Variants in PCDHGA2 observed in about 807,000 individuals in gnomAD.
PCDHGA2 encodes protocadherin gamma-A2.
PCDHGA2 carries 40 observed loss-of-function variants against 59.2 expected under a neutral mutation model. That is an observed-to-expected ratio of 0.68 (90% CI 0.52 to 0.88). The LOEUF (loss-of-function observed/expected upper bound fraction) is 0.88, where lower values mean the gene tolerates loss of function less well. Among genes scored for constraint, PCDHGA2 ranks in the 40% least tolerant of loss-of-function variants. The pLI is 0.00. For missense variants in PCDHGA2, 1,226 were observed against 1,204.0 expected (o/e 1.02, Z -0.27); for synonymous variants, 560 against 526.0 (o/e 1.06, Z -0.89).
intron 1 of PCDHGA2, chr5:141,356,177 G>A: frequency 6.2e-7 from 1 of 1,612,412 alleles, no homozygotes; most frequent in Non-Finnish European, 8.5e-7. Flanking sequence ...GATGGGCCTG[G>A]TCTCCGAGCT....
rs1562150111 is a variant in PCDHGA2, at chr5:141,491,805, T to G, written c.2425-3002T>G. 1 of 1,495,892 alleles carries G rather than the reference T, an allele frequency of 6.7e-7. No homozygotes were observed. 92.7% of individuals were successfully genotyped at this position (1,495,892 alleles called of 1,614,324 possible). A position where few individuals can be genotyped will look rare whatever the true frequency, so the allele number is the denominator to read the frequency against. On this transcript the variant is annotated intron_variant, in intron 1 of 3. Coordinates refer to ENST00000394576, the MANE Select transcript of PCDHGA2 (RefSeq NM_018915.4). This position sits in a 1 kb window ranked among gnomAD's most constrained non-coding sequence, Gnocchi z 6.9. ...TGCATCCACTCCTCTCCGGCCGGCT[T>G]GGTCGCTGGCTGCGCTCCACCCGAT... is the stretch of plus-strand genomic sequence containing the variant.
rs1383420491 is a variant in PCDHGA2 at position 141,384,736 on chromosome 5, G to A, written c.2424+43341G>A. On this transcript the variant is annotated intron_variant, in intron 1 of 3. Transcript: ENST00000394576. ...GTCATACCTCCTGCTTAAGGCCAGC[G>A]AGCCAGGACTCTTTGCGGTTGGGCT... 3.7e-6 allele frequency: 6 copies of A among 1,613,938 alleles called. No homozygotes were observed. Among genetic ancestry groups the A allele is most frequent in the African/African-American group, 2.7e-5 (2 of 74,932 alleles).
rs763381960 is a variant in PCDHGA2, at chr5:141,341,099, G to A, written c.2128G>A (p.Val710Met). Residue 710 changes from valine to methionine, a missense_variant, in exon 1 of 4, where the codon GTG (valine) becomes ATG (methionine). Transcript: ENST00000394576. Reference protein sequence around the residue: ...VSCVFLAFVIVLLAHRLRRWH... With the variant: ...VSCVFLAFVIMLLAHRLRRWH... ...CTGCGTCTTCCTGGCCTTCGTCATC[G>A]TGTTGCTGGCGCACAGGCTGCGGCG... 6.2e-7 allele frequency: 1 copy of A among 1,614,104 alleles called. No homozygotes were observed. Among genetic ancestry groups the A allele is most frequent in the Non-Finnish European group, 8.5e-7 (1 of 1,180,056 alleles).
chr5:141,415,736 T>G, intron 1 of PCDHGA2: 1 of 1,289,978 alleles, frequency 7.8e-7, no homozygotes, highest in South Asian at 1.8e-5. Context: ...TGATGTTTAT[T>G]AAGGTTTTTT....
chr5:141,354,058 A>C (rs901955724), intron 1 of PCDHGA2, among the ~76,000 whole-genome samples: 3 of 152,234 alleles, frequency 2.0e-5, no homozygotes, highest in African/African-American at 7.2e-5. Context: ...ATGATAATCC[A>C]TGTTCGGCTA....
At position 141,422,501 on chromosome 5, in the gene PCDHGA2, C is replaced by T. The variant is rs1343881573; in HGVS notation, c.2425-72306C>T. On this transcript the variant is annotated intron_variant, in intron 1 of 3. Coordinates refer to ENST00000394576, the MANE Select transcript of PCDHGA2 (RefSeq NM_018915.4). ...CAGAGCTACAATATAACGTTGACAGCCACAGACCAGGGAAGCCCGCCTTTG... is the reference window on the plus strand; with the variant it reads ...CAGAGCTACAATATAACGTTGACAGTCACAGACCAGGGAAGCCCGCCTTTG... 9.3e-6 allele frequency: 15 copies of T among 1,613,810 alleles called. No individual in the cohort carries two copies. The highest frequency in any genetic ancestry group is 1.3e-5 in the Non-Finnish European group (15 of 1,179,872).
chr5:141,474,011 A>T (rs910186122), intron 1 of PCDHGA2, among the ~76,000 whole-genome samples: 2 of 152,112 alleles, frequency 1.3e-5, no homozygotes, highest in Non-Finnish European at 2.9e-5. Flanking sequence ...TGGAAGTTAC[A>T]GTGAGCTATG....
At chr5:141,370,322 C>T (rs1311185888) in intron 1 of PCDHGA2, 8 of 1,366,842 alleles carry the variant, frequency 5.9e-6, no homozygotes, top group Non-Finnish European at 7.0e-6. Context: ...GTTGGTCCTG[C>T]TCGGAGAACT....
chr5:141,447,558 G>T (rs551305232), intron 1 of PCDHGA2, among the ~76,000 whole-genome samples: 1 of 152,264 alleles, frequency 6.6e-6, no homozygotes, highest in African/African-American at 2.4e-5. Context: ...GAGTACACTT[G>T]GAGGATTCTA....
In PCDHGA2 at chr5:141,395,547, TGTGTGTGTGTGTGTG is replaced by T. The variant is rs2093269943; in HGVS notation, c.2424+54153_2424+54167del. On this transcript the variant is annotated intron_variant, in intron 1 of 3. Coordinates refer to ENST00000394576, the MANE Select transcript of PCDHGA2 (RefSeq NM_018915.4). ...ACTGGTAATTTTGCTATTGTTTGTG[TGTGTGTGTGTGTGTG>T]TGTGTGTGTGTGTGTGTGTGTGTGT... 2.2e-3 allele frequency: 375 copies of T among 174,268 alleles called. 18 individuals carry two copies. The highest frequency in any genetic ancestry group is 5.2e-3 in the East Asian group (33 of 6,366). 10.8% of individuals were successfully genotyped at this position (174,268 alleles called of 1,614,324 possible). A position where few individuals can be genotyped will look rare whatever the true frequency, so the allele number is the denominator to read the frequency against.
At chr5:141,510,134 C>T (rs1273076437) in intron 3 of PCDHGA2, among the ~76,000 whole-genome samples, 1 of 152,064 alleles carries the variant, frequency 6.6e-6, no homozygotes, top group East Asian at 1.9e-4. Context: ...ATTAGCTGGG[C>T]TAGTGGTGTG....
In PCDHGA2 at chr5:141,486,675, A is replaced by T; in HGVS notation, c.2425-8132A>T. On this transcript the variant is annotated intron_variant, in intron 1 of 3. Coordinates refer to ENST00000394576, the MANE Select transcript of PCDHGA2 (RefSeq NM_018915.4). The surrounding 1 kb of genome is among the most constrained non-coding windows in gnomAD (Gnocchi z 5.0). ...TCACTCCTGGAGCCCAGGAATCGAGATGTATCAGCTTCCTCTTTCATCTCT... is the reference window on the plus strand; with the variant it reads ...TCACTCCTGGAGCCCAGGAATCGAGTTGTATCAGCTTCCTCTTTCATCTCT... The T allele has an allele frequency of 6.2e-7, 1 of 1,614,056 alleles. No individual in the cohort carries two copies. The highest frequency in any genetic ancestry group is 8.5e-7 in the Non-Finnish European group (1 of 1,180,016).
chr5:141,420,179 T>C (rs1420076172), intron 1 of PCDHGA2: 16 of 1,614,054 alleles, frequency 9.9e-6, no homozygotes, highest in Non-Finnish European at 1.2e-5. Flanking sequence ...TGTTGATCAT[T>C]GTCCAGCCAC....
intron 1 of PCDHGA2, chr5:141,362,185 C>G: frequency 6.2e-7 from 1 of 1,614,022 alleles, no homozygotes. Context: ...GCCCTCTGAC[C>G]CCCAGGCAAA....
rs1395556571 is a variant in PCDHGA2 at position 141,432,581 on chromosome 5, C to CT, written c.2425-62225dup. ...CCAGAACGCCTGGCTGTCCTACCGT[C>CT]TGCTCAAGGCCAGCGAGCCGGGACT... On this transcript the variant is annotated intron_variant, in intron 1 of 3. Coordinates refer to ENST00000394576, the MANE Select transcript of PCDHGA2 (RefSeq NM_018915.4). This position sits in a 1 kb window ranked among gnomAD's most constrained non-coding sequence, Gnocchi z 6.0. 6.2e-7 allele frequency: 1 copy of CT among 1,613,930 alleles called. No homozygotes were observed.
chr5:141,476,979 G>C lies in PCDHGA2; in HGVS notation c.2425-17828G>C. On this transcript the variant is annotated intron_variant, in intron 1 of 3. Coordinates refer to ENST00000394576, the MANE Select transcript of PCDHGA2 (RefSeq NM_018915.4). The surrounding 1 kb of genome is among the most constrained non-coding windows in gnomAD (Gnocchi z 7.6). Reference sequence around the variant, plus strand: ...ATTTACTCCTTCGGCAGCCACAACCGCGCCGGCGTGCGGCAACTATTCGCC... The same window carrying C: ...ATTTACTCCTTCGGCAGCCACAACCCCGCCGGCGTGCGGCAACTATTCGCC... 1 of 1,614,238 alleles carries C rather than the reference G, an allele frequency of 6.2e-7. No homozygotes were observed. The highest frequency in any genetic ancestry group is 1.3e-5 in the African/African-American group (1 of 75,074).
chr5:141,348,007 G>A (rs529602775), intron 1 of PCDHGA2, among the ~76,000 whole-genome samples: 1 of 152,182 alleles, frequency 6.6e-6, no homozygotes, highest in Admixed American at 6.5e-5. Flanking sequence ...AGCCTCTGCG[G>A]GAGATTTCCA....
In PCDHGA2 at chr5:141,340,121, T is replaced by G; in HGVS notation, c.1150T>G (p.Cys384Gly). Reference protein sequence around the residue: ...RDSGQNAFTTCSLPEDLPFKL... With the variant: ...RDSGQNAFTTGSLPEDLPFKL... ...CTCTGGGCAGAACGCATTCACCACC[T>G]GTTCACTCCCCGAGGATCTTCCTTT... The change falls in exon 1 of 4, where the codon TGT becomes GGT. Residue 384 changes from cysteine to glycine, a missense_variant. Cys to Gly is a radical substitution (Grantham distance 159, BLOSUM62 -3). Coordinates refer to ENST00000394576, the MANE Select transcript of PCDHGA2 (RefSeq NM_018915.4). The G allele has an allele frequency of 6.2e-7, 1 of 1,614,172 alleles. No individual in the cohort carries two copies. The highest frequency in any genetic ancestry group is 8.5e-7 in the Non-Finnish European group (1 of 1,179,996).
chr5:141,410,447 C>A, intron 1 of PCDHGA2: 1 of 1,613,984 alleles, frequency 6.2e-7, no homozygotes, highest in Non-Finnish European at 8.5e-7. Context: ...GGGGACTTTG[C>A]CTTATTCTTA....
Sources: allele counts gnomAD v4.1 joint callset (sites outside exome capture counted in the v4.1 genomes callset), GRCh38; gene constraint gnomAD v4.1.1; non-coding constraint Gnocchi (gnomAD v3.1); transcripts MANE v1.5; gene names NCBI Gene and HGNC (gene_info 2026-07-23, HGNC 2026-07-21).